Variants in SH3PXD2B observed in about 807,000 individuals in gnomAD.
SH3PXD2B encodes the protein SH3 and PX domain-containing protein 2B.
SH3PXD2B carries 37 observed loss-of-function variants against 73.1 expected under a neutral mutation model. That is an observed-to-expected ratio of 0.51 (90% CI 0.39 to 0.67). SH3PXD2B has a LOEUF of 0.67. Among genes scored for constraint, SH3PXD2B ranks in the 30% least tolerant of loss-of-function variants. The pLI is 0.00. For synonymous variants in SH3PXD2B, 457 were observed against 480.5 expected, an observed-to-expected ratio of 0.95 and a Z score of 0.64; for missense variants, 1,053 against 1,197.8, an observed-to-expected ratio of 0.88 and a Z score of 1.78.
intron 1 of SH3PXD2B, among the ~76,000 whole-genome samples, chr5:172,447,362 G>A (rs1449149654): frequency 5.9e-5 from 9 of 152,156 alleles, no homozygotes; most frequent in Non-Finnish European, 1.3e-4. Flanking sequence ...ATGGAACACA[G>A]TTTTACCATC....
chr5:172,341,143 A>G (rs1219154323), intron 12 of SH3PXD2B, among the ~76,000 whole-genome samples: 1 of 152,184 alleles, frequency 6.6e-6, no homozygotes, highest in Non-Finnish European at 1.5e-5. Context: ...TGTGCTCGCT[A>G]TTATGGGCTG....
chr5:172,340,210 TAGAC>T (rs1375966701), intron 12 of SH3PXD2B, among the ~76,000 whole-genome samples: 2 of 152,076 alleles, frequency 1.3e-5, no homozygotes, highest in Non-Finnish European at 2.9e-5. Flanking sequence ...AGTAAGGAAG[TAGAC>T]AGAGAAAGAA....
rs1756698989 is a variant in SH3PXD2B, at chr5:172,336,610, T to TC, written c.*1758dup. 7 of 963,442 alleles carry TC rather than the reference T, an allele frequency of 7.3e-6. No homozygotes were observed. Among genetic ancestry groups the TC allele is most frequent in the Non-Finnish European group, 8.5e-6 (7 of 825,582 alleles). The allele number at this position is 963,442 out of a possible 1,614,324, so 59.7% of individuals were successfully genotyped here. A position where few individuals can be genotyped will look rare whatever the true frequency, so the allele number is the denominator to read the frequency against. On this transcript the variant is annotated 3_prime_UTR_variant, in exon 13 of 13. Coordinates refer to ENST00000311601, the MANE Select transcript of SH3PXD2B (RefSeq NM_001017995.3). The stretch of plus-strand genomic sequence containing the variant: ...TGGCACTGCAGGTAGACACTGAGCA[T>TC]CCCCCCAAAAAACTGGCTTTGTGGG...
chr5:172,368,327 T>A (rs1386545563), intron 6 of SH3PXD2B, among the ~76,000 whole-genome samples: 2 of 150,146 alleles, frequency 1.3e-5, no homozygotes, highest in Non-Finnish European at 1.5e-5. Context: ...TCTCCTTGTT[T>A]ACTTTTCTAC....
intron 2 of SH3PXD2B, among the ~76,000 whole-genome samples, chr5:172,415,796 C>G (rs565912888): frequency 6.6e-6 from 1 of 152,296 alleles, no homozygotes; most frequent in South Asian, 2.1e-4. Context: ...CAAGCCAGGG[C>G]AGAAAGGGAG....
intron 2 of SH3PXD2B, among the ~76,000 whole-genome samples, chr5:172,412,811 G>A (rs1372689953): frequency 2.0e-5 from 3 of 152,256 alleles, no homozygotes; most frequent in South Asian, 2.1e-4. Context: ...CCCACTACCC[G>A]CGCTCCCCCC....
chr5:172,399,495 C>T (rs376886403), intron 3 of SH3PXD2B, among the ~76,000 whole-genome samples: 33 of 152,144 alleles, frequency 2.2e-4, no homozygotes, highest in Middle Eastern at 3.4e-3. Context: ...AAAAGAAAAC[C>T]GCAGGGAAAA....
chr5:172,430,820 A>C (rs1014217391), intron 1 of SH3PXD2B, among the ~76,000 whole-genome samples: 1 of 151,212 alleles, frequency 6.6e-6, no homozygotes, highest in African/African-American at 2.4e-5. Flanking sequence ...AGAAAACCAA[A>C]CCCCTGGCCA....
intron 1 of SH3PXD2B, among the ~76,000 whole-genome samples, chr5:172,450,101 T>C (rs76295951): frequency 3.6e-3 from 550 of 152,178 alleles, no homozygotes; most frequent in Non-Finnish European, 6.3e-3. Flanking sequence ...CTGGGGATGA[T>C]GGAAATGTTA....
At position 172,344,592 on chromosome 5, in the gene SH3PXD2B, A is replaced by C. The variant is rs1756941993; in HGVS notation, c.1188+1544T>G. Among the ~76,000 whole-genome samples, 4 of 148,910 alleles carry C rather than the reference A, an allele frequency of 2.7e-5. No homozygotes were observed. The South Asian group carries it at 8.4e-4, about 31-fold the overall frequency. ...AACAGAGGAGCGAGGCTCTGTCAAAAAAAAAAAAAAAAAAAAAAAAAAAAG... is the reference window on the plus strand; with the variant it reads ...AACAGAGGAGCGAGGCTCTGTCAAACAAAAAAAAAAAAAAAAAAAAAAAAG... On this transcript the variant is annotated intron_variant, in intron 12 of 12. Coordinates refer to ENST00000311601, the MANE Select transcript of SH3PXD2B (RefSeq NM_001017995.3).
chr5:172,368,735 A>T (rs1436844518), intron 6 of SH3PXD2B, among the ~76,000 whole-genome samples: 2 of 99,330 alleles, frequency 2.0e-5, no homozygotes, highest in African/African-American at 4.3e-5. Flanking sequence ...ATATATATTT[A>T]ATATATGTAA....
Position 172,334,265 on chromosome 5 carries a change from A to G in SH3PXD2B, c.*4104T>C. ...AAAGGTGCTCTGAAGGAGGTCCATG[A>G]GCAGGCAAGGACTGTGGAGCCTCCG... On this transcript the variant is annotated 3_prime_UTR_variant, in exon 13 of 13. Coordinates refer to ENST00000311601, the MANE Select transcript of SH3PXD2B (RefSeq NM_001017995.3). 9.7e-7 allele frequency: 1 copy of G among 1,032,132 alleles called. No homozygotes were observed. Among genetic ancestry groups the G allele is most frequent in the African/African-American group, 1.7e-5 (1 of 57,622 alleles). 63.9% of individuals were successfully genotyped at this position (1,032,132 alleles called of 1,614,324 possible). A position where few individuals can be genotyped will look rare whatever the true frequency, so the allele number is the denominator to read the frequency against.
chr5:172,385,846 T>A (rs528623603), intron 4 of SH3PXD2B, among the ~76,000 whole-genome samples: 1 of 152,358 alleles, frequency 6.6e-6, no homozygotes, highest in South Asian at 2.1e-4. Context: ...AATGCTTTGA[T>A]GTTGGCCCAT....
chr5:172,366,617 A>ATTTAT lies in SH3PXD2B; in HGVS notation c.428-3753_428-3749dup, dbSNP rs540570220. Among the ~76,000 whole-genome samples the ATTTAT allele has an allele frequency of 2.5e-3, 386 of 151,814 alleles. 5 individuals carry two copies. The highest frequency in any genetic ancestry group is 0.024 in the Admixed American group (359 of 15,232). On this transcript the variant is annotated intron_variant, in intron 6 of 12. Transcript: ENST00000311601. Reference sequence around the variant, plus strand: ...CCTTGACCCTGCAATTTATTTATTTATTTATTTTATTTTATTTTATTTATT... The same window carrying ATTTAT: ...CCTTGACCCTGCAATTTATTTATTTATTTATTTTATTTTATTTTATTTTATTTATT...
chr5:172,363,381 G>C (rs936078848), intron 6 of SH3PXD2B, among the ~76,000 whole-genome samples: 1 of 152,138 alleles, frequency 6.6e-6, no homozygotes, highest in Non-Finnish European at 1.5e-5. Context: ...GTACAACGGT[G>C]AATAAAACAG....
Position 172,337,226 on chromosome 5 carries a change from G to A in SH3PXD2B, c.*1143C>T. On this transcript the variant is annotated 3_prime_UTR_variant, in exon 13 of 13. Coordinates refer to ENST00000311601, the MANE Select transcript of SH3PXD2B (RefSeq NM_001017995.3). Reference sequence around the variant, plus strand: ...TGGAGGGATGGTGGGTGTGGGAGCAGCCACGAATGCCCCCTCACCCCCCTC... The same window carrying A: ...TGGAGGGATGGTGGGTGTGGGAGCAACCACGAATGCCCCCTCACCCCCCTC... 5 of 985,612 alleles carry A rather than the reference G, an allele frequency of 5.1e-6. No homozygotes were observed. Among genetic ancestry groups the A allele is most frequent in the Non-Finnish European group, 6.0e-6 (5 of 830,070 alleles). 61.1% of individuals were successfully genotyped at this position (985,612 alleles called of 1,614,324 possible).
At chr5:172,327,003 T>G (rs77536145) in intron 12 of SH3PXD2B, among the ~76,000 whole-genome samples, 2 of 20,826 alleles carry the variant, frequency 9.6e-5, no homozygotes, top group Non-Finnish European at 2.4e-4. Context: ...ATTACAGGCA[T>G]GCGCCACCAC....
chr5:172,394,863 G>A (rs1010829478), intron 3 of SH3PXD2B, among the ~76,000 whole-genome samples: 2 of 152,158 alleles, frequency 1.3e-5, no homozygotes, highest in South Asian at 4.1e-4. Context: ...TTGGGGGAAT[G>A]GGACCCACGG....
intron 1 of SH3PXD2B, among the ~76,000 whole-genome samples, chr5:172,452,283 T>G (rs924416510): frequency 5.9e-5 from 9 of 152,106 alleles, no homozygotes; most frequent in Non-Finnish European, 1.3e-4. Flanking sequence ...CCCCAAAAAG[T>G]GGCTGAAAGC....
Sources: allele counts gnomAD v4.1 joint callset (sites outside exome capture counted in the v4.1 genomes callset), GRCh38; gene constraint gnomAD v4.1.1; transcripts MANE v1.5; gene names NCBI Gene and HGNC (gene_info 2026-07-23, HGNC 2026-07-21).